USP22: variants seen among roughly 807,000 people sequenced by gnomAD.
USP22 encodes ubiquitin carboxyl-terminal hydrolase 22.
Under a neutral mutation model 68.1 loss-of-function variants are expected in USP22, and 22 were observed. The observed-to-expected ratio is 0.32, with a 90% CI of 0.23 to 0.46. The LOEUF (loss-of-function observed/expected upper bound fraction) is 0.46. Among genes scored for constraint, USP22 ranks in the 20% least tolerant of loss-of-function variants. USP22 has a pLI of 1.00. For missense variants in USP22, 433 were observed against 695.8 expected (o/e 0.62, Z 4.25); for synonymous variants, 279 against 274.2 (o/e 1.02, Z -0.17).
intron 8 of USP22, 130 bp from the exon 9 acceptor site, chr17:21,008,126 T>C (rs1913835168): frequency 8.8e-7 from 1 of 1,130,716 alleles, no homozygotes; most frequent in African/African-American, 1.6e-5. Context: ...CAACTAAAAA[T>C]GAAACAATGA....
chr17:21,011,120 C>A, intron 8 of USP22, 31 bp downstream of exon 8: 1 of 1,550,486 alleles, frequency 6.4e-7, no homozygotes, highest in South Asian at 1.2e-5. Flanking sequence ...CCAGGAGACA[C>A]GCCCCCGCCG....
chr17:21,038,713 T>C (rs775778534), intron 1 of USP22, among the ~76,000 whole-genome samples: 20 of 152,056 alleles, frequency 1.3e-4, no homozygotes, highest in Non-Finnish European at 2.4e-4. Context: ...AAAAGTGTTT[T>C]GAGGACACAG....
intron 3 of USP22, 25 bp downstream of exon 3, chr17:21,021,088 C>G (rs377521982): frequency 1.9e-5 from 30 of 1,566,776 alleles, no homozygotes; most frequent in East Asian, 9.0e-5. Flanking sequence ...CAGGATCAAG[C>G]AGGTAAACTG....
chr17:21,033,629 T>C (rs1025360036), intron 1 of USP22, among the ~76,000 whole-genome samples: 2 of 152,202 alleles, frequency 1.3e-5, no homozygotes, highest in Non-Finnish European at 2.9e-5. Context: ...TTTCACACAT[T>C]ACCCATGACT....
chr17:21,015,534 A>T (rs377747080), intron 6 of USP22: 33 of 591,666 alleles, frequency 5.6e-5, no homozygotes, highest in East Asian at 3.3e-4. Flanking sequence ...TACTGCTGGA[A>T]CTACTTCCTC....
At chr17:21,033,718 ACT>A (rs556389323) in intron 1 of USP22, among the ~76,000 whole-genome samples, 19 of 152,062 alleles carry the variant, frequency 1.2e-4, no homozygotes, top group Admixed American at 5.2e-4. Flanking sequence ...TTTTTCAAGG[ACT>A]CAAACACTGA....
intron 9 of USP22, 43 bp from the exon 10 acceptor site, chr17:21,007,030 C>A: frequency 6.6e-7 from 1 of 1,521,784 alleles, no homozygotes; most frequent in South Asian, 1.2e-5. Flanking sequence ...GAAAGAAGAT[C>A]AGAAATGTCA....
rs1401913674 is a variant in USP22, at chr17:21,005,229, T to C, written c.1323-239A>G. On this transcript the variant is annotated intron_variant, in intron 10 of 12. Coordinates refer to ENST00000261497, the MANE Select transcript of USP22 (RefSeq NM_015276.2). The stretch of plus-strand genomic sequence containing the variant: ...GCCACCTGGCGTGGCCCCTGGTTCT[T>C]CCAAGGTGGGTCCTGAATAGGGCTG... The C allele has an allele frequency of 5.6e-6, 3 of 533,094 alleles. No homozygotes were observed. In the African/African-American group the frequency reaches 5.7e-5, roughly 10 times the overall value. The allele number at this position is 533,094 out of a possible 1,614,324, so 33.0% of individuals were successfully genotyped here. A position where few individuals can be genotyped will look rare whatever the true frequency, so the allele number is the denominator to read the frequency against.
rs931148236 is a variant in USP22, at chr17:21,042,770, G to A, written c.66C>T (p.Gly22=). 1 of 1,492,690 alleles carries A rather than the reference G, an allele frequency of 6.7e-7. No homozygotes were observed. Among genetic ancestry groups the A allele is most frequent in the Admixed American group, 2.0e-5 (1 of 48,992 alleles). 92.5% of individuals were successfully genotyped at this position (1,492,690 alleles called of 1,614,324 possible). ...CCTTGAAGCTGCCCAGGTGCGAGCA[G>A]CCCGGCGGCGCTACCGCCAGCTCGG... The part of the protein sequence containing the change: ...MDAELAVAPP[G]CSHLGSFKVD... The change falls in exon 1 of 13, where the codon GGC becomes GGT. Residue 22 remains glycine, a synonymous_variant. Transcript: ENST00000261497.
At chr17:21,019,263 C>G in intron 3 of USP22, 78 bp from the exon 4 acceptor site, 1 of 1,417,196 alleles carries the variant, frequency 7.1e-7, no homozygotes, top group South Asian at 1.2e-5. Flanking sequence ...AAAGCTGTGG[C>G]GCTATGCTGT....
intron 7 of USP22, among the ~76,000 whole-genome samples, chr17:21,012,315 G>T (rs1282748268): frequency 6.6e-6 from 1 of 152,084 alleles, no homozygotes; most frequent in Admixed American, 6.6e-5. Flanking sequence ...TTGGGTGAGA[G>T]GGTCCCCTGA....
At position 21,042,455 on chromosome 17, in the gene USP22, TGAG is replaced by T. The variant is rs146452878; in HGVS notation, c.171+207_171+209del. Reference sequence around the variant, plus strand: ...GGGGGAGAGGGGAAGGATAGGAAGATGAGGAGATAAGGGAAGGGAGAGAGTTGA... The same window carrying T: ...GGGGGAGAGGGGAAGGATAGGAAGATGAGATAAGGGAAGGGAGAGAGTTGA... On this transcript the variant is annotated intron_variant, in intron 1 of 12. Transcript: ENST00000261497. Among the ~76,000 whole-genome samples the T allele has an allele frequency of 7.7e-3, 721 of 93,282 alleles. 8 individuals are homozygous for T. The highest frequency in any genetic ancestry group is 0.03 in the African/African-American group (669 of 22,124). The allele number at this position is 93,282 out of a possible 152,430, so 61.2% of individuals were successfully genotyped here.
intron 2 of USP22, among the ~76,000 whole-genome samples, chr17:21,023,560 G>A (rs1972183459): frequency 6.7e-6 from 1 of 149,870 alleles, no homozygotes. Flanking sequence ...TGGAAGGATG[G>A]CTTGAGCCCG....
At position 21,018,204 on chromosome 17, in the gene USP22, A is replaced by G. The variant is rs891408584; in HGVS notation, c.521-93T>C. Reference sequence around the variant, plus strand: ...CGGCTTCCTCTACCTCTACATACTCATTTTCTTTTATTCATTCATTCAAGC... The same window carrying G: ...CGGCTTCCTCTACCTCTACATACTCGTTTTCTTTTATTCATTCATTCAAGC... On this transcript the variant is annotated intron_variant, in intron 4 of 12. Transcript: ENST00000261497. 11 of 1,215,526 alleles carry G rather than the reference A, an allele frequency of 9.0e-6. No homozygotes were observed. In the South Asian group the frequency reaches 1.3e-4, roughly 15 times the overall value. The allele number at this position is 1,215,526 out of a possible 1,614,324, so 75.3% of individuals were successfully genotyped here.
chr17:21,002,875 G>A lies in USP22; in HGVS notation c.*156C>T. 2 of 872,344 alleles carry A rather than the reference G, an allele frequency of 2.3e-6. No homozygotes were observed. Among genetic ancestry groups the A allele is most frequent in the South Asian group, 3.0e-5 (2 of 67,218 alleles). The allele number at this position is 872,344 out of a possible 1,614,324, so 54.0% of individuals were successfully genotyped here. On this transcript the variant is annotated 3_prime_UTR_variant, in exon 13 of 13. Transcript: ENST00000261497. The stretch of plus-strand genomic sequence containing the variant: ...TCCGTGTGGTCCATCCCGACCCGAT[G>A]GGTCCCAGGTGCAGAGGGGCCACAT...
At chr17:21,027,756 G>A (rs751755169) in intron 2 of USP22, among the ~76,000 whole-genome samples, 113 of 152,266 alleles carry the variant, frequency 7.4e-4, no homozygotes, top group Non-Finnish European at 5.6e-4. Context: ...ATCACATGAG[G>A]TCAGGAGTTT....
In USP22 at chr17:21,002,421, C is replaced by CA. The variant is rs1453776337; in HGVS notation, c.*609_*610insT. 6.6e-6 allele frequency: 1 copy of CA among 152,368 alleles called. No individual in the cohort carries two copies. The highest frequency in any genetic ancestry group is 6.5e-5 in the Admixed American group (1 of 15,280). The allele number at this position is 152,368 out of a possible 1,614,324, so 9.4% of individuals were successfully genotyped here. The stretch of plus-strand genomic sequence containing the variant: ...GTTTCTAGAAAACCGCGAGATGCTT[C>CA]CACGTGCAGCTTGATGCTGTTACCT... On this transcript the variant is annotated 3_prime_UTR_variant, in exon 13 of 13. Coordinates refer to ENST00000261497, the MANE Select transcript of USP22 (RefSeq NM_015276.2).
chr17:21,010,271 C>T (rs757328737), intron 8 of USP22, among the ~76,000 whole-genome samples: 1 of 152,268 alleles, frequency 6.6e-6, no homozygotes, highest in Non-Finnish European at 1.5e-5. Flanking sequence ...AAGGACTCTT[C>T]TGCATTACCT....
chr17:21,015,482 A>G (rs372340099), intron 6 of USP22, among the ~76,000 whole-genome samples: 6 of 152,286 alleles, frequency 3.9e-5, no homozygotes, highest in African/African-American at 1.4e-4. Flanking sequence ...GAGGGCTCCA[A>G]GAGTTTGCTG....
Sources: gnomAD v4.1 joint callset for allele counts (sites outside exome capture counted in the v4.1 genomes callset) on GRCh38, gnomAD v4.1.1 for gene constraint, MANE v1.5 for transcripts, NCBI Gene and HGNC (gene_info 2026-07-23, HGNC 2026-07-21) for gene names.